SLC38A2: variants seen among roughly 807,000 people sequenced by gnomAD.
SLC38A2 encodes the protein solute carrier family 38 member 2.
A neutral mutation model predicts 61.5 loss-of-function variants in SLC38A2; 11 were observed. The observed-to-expected ratio is 0.18, with a 90% confidence interval of 0.11 to 0.30. SLC38A2 has a LOEUF of 0.30. SLC38A2 is among the 10% of genes least tolerant of loss of function. The pLI is 1.00. For synonymous variants in SLC38A2, 217 were observed against 212.5 expected (o/e 1.02, Z -0.18); for missense variants, 522 against 600.4 (o/e 0.87, Z 1.36).
At chr12:46,368,033 G>A (rs1357248035) in intron 4 of SLC38A2, among the ~76,000 whole-genome samples, 1 of 151,920 alleles carries the variant, frequency 6.6e-6, no homozygotes. Flanking sequence ...AGCTACTCAG[G>A]CTGAGGTGGG....
intron 8 of SLC38A2, 55 bp downstream of exon 8, chr12:46,365,052 C>A: frequency 7.0e-7 from 1 of 1,422,632 alleles, no homozygotes. Context: ...CAGAGAAAGC[C>A]CAACTAACTG....
intron 12 of SLC38A2, 102 bp from the exon 13 acceptor site, chr12:46,363,247 A>G: frequency 8.1e-7 from 1 of 1,239,606 alleles, no homozygotes; most frequent in Non-Finnish European, 1.1e-6. Context: ...CTACTCACAA[A>G]ACGACTATAA....
rs755988202 is a variant in SLC38A2 at position 46,363,944 on chromosome 12, G to T, written c.933C>A (p.Pro311=). ...CTCACTCTTTCAGTTCTTCATAGAT[G>T]GGAAGAACAGCAGGATGACAGACAA... ...FSFVCHPAVL[P]IYEELKDRSR... is the part of the protein sequence containing the mutation. Residue 311 remains proline (P), a synonymous_variant, in exon 11 of 16, where the codon CCC becomes CCA. Coordinates refer to ENST00000256689, the MANE Select transcript of SLC38A2 (RefSeq NM_018976.5). 6.2e-7 allele frequency: 1 copy of T among 1,611,526 alleles called. No individual in the cohort carries two copies. The highest frequency in any genetic ancestry group is 8.5e-7 in the Non-Finnish European group (1 of 1,178,580).
At chr12:46,368,648 A>C (rs1167433822) in intron 4 of SLC38A2, among the ~76,000 whole-genome samples, 1 of 152,256 alleles carries the variant, frequency 6.6e-6, no homozygotes, top group Non-Finnish European at 1.5e-5. Context: ...GGTGCTGACA[A>C]AGAAACTGAT....
intron 4 of SLC38A2, among the ~76,000 whole-genome samples, chr12:46,368,739 C>T (rs867811329): frequency 7.2e-5 from 11 of 152,200 alleles, no homozygotes; most frequent in Admixed American, 3.9e-4. Flanking sequence ...TCTGAAGTGA[C>T]ACTATCAACC....
At position 46,371,185 on chromosome 12, in the gene SLC38A2, G is replaced by A; in HGVS notation, c.109C>T (p.Leu37=). ...NYSYPTKQAA[L]KSHYADVDPE... ...TGTCACAACTTCTCCCACCTTTTCA[G>A]AGCAGCTTGCTTGGTGGGGTAGGAG... Residue 37 remains leucine, a synonymous_variant, in exon 2 of 16, where the codon CTG becomes TTG. Coordinates refer to ENST00000256689, the MANE Select transcript of SLC38A2 (RefSeq NM_018976.5). 6.2e-7 allele frequency: 1 copy of A among 1,614,144 alleles called. No homozygotes were observed. Among genetic ancestry groups the A allele is most frequent in the East Asian group, 2.2e-5 (1 of 44,884 alleles).
intron 4 of SLC38A2, among the ~76,000 whole-genome samples, chr12:46,370,035 G>C (rs1011552869): frequency 2.0e-5 from 3 of 152,058 alleles, no homozygotes; most frequent in Admixed American, 2.0e-4. Flanking sequence ...ACATGTTCCA[G>C]GCTGGGTAAA....
chr12:46,363,771 G>A lies in SLC38A2; in HGVS notation c.1009C>T (p.Leu337Phe), dbSNP rs1373776930. The A allele has an allele frequency of 2.5e-6, 4 of 1,598,070 alleles. No individual in the cohort carries two copies. In the African/African-American group the frequency reaches 4.1e-5, roughly 16 times the overall value. ...VSKISFFAMF[L>F]MYLLAALFGY... is the part of the protein sequence containing the mutation. ...AAGAGGGCGGCAAGCAGATACATGA[G>A]AAACATAGCAAAAAATGAAATCTTG... Residue 337 changes from leucine to phenylalanine, a missense_variant, in exon 12 of 16, where the codon CTC becomes TTC. Physicochemically the swap from Leu to Phe is conservative, Grantham distance 22. Around this residue, in one of 3 missense-constraint regions of SLC38A2, gnomAD observed 309 missense variants for 343.9 expected, o/e 0.90. Transcript: ENST00000256689.
rs1943047070 is a variant in SLC38A2 at position 46,358,585 on chromosome 12, G to C, written c.*2526C>G. 1 of 152,344 alleles carries C rather than the reference G, an allele frequency of 6.6e-6. No homozygotes were observed. Among genetic ancestry groups the C allele is most frequent in the South Asian group, 2.1e-4 (1 of 4,828 alleles). The allele number at this position is 152,344 out of a possible 1,614,324, so 9.4% of individuals were successfully genotyped here. ...TTTTCAATATTCAATTTTCTGTACAGGTACTTTTGGGACAATTCTTATAGT... is the reference window on the plus strand; with the variant it reads ...TTTTCAATATTCAATTTTCTGTACACGTACTTTTGGGACAATTCTTATAGT... On this transcript the variant is annotated 3_prime_UTR_variant, in exon 16 of 16. Transcript: ENST00000256689.
In SLC38A2 at chr12:46,371,335, G is replaced by C; in HGVS notation, c.-42C>G. The C allele has an allele frequency of 6.5e-7, 1 of 1,533,922 alleles. No individual in the cohort carries two copies. Among genetic ancestry groups the C allele is most frequent in the Non-Finnish European group, 9.0e-7 (1 of 1,107,914 alleles). On this transcript the variant is annotated 5_prime_UTR_variant, in exon 2 of 16. Transcript: ENST00000256689. ...AATCGGGTGCAGCTAGTAGCGCTGG[G>C]CTCCTTTTGTCCTTGGCGGTGGGTG...
At position 46,367,350 on chromosome 12, in the gene SLC38A2, G is replaced by GAA. The variant is rs1426109200; in HGVS notation, c.315-12_315-11dup. ...AAATGTCAAGAGAATTCTGGTGAGAGAAGGAAAAGGCATAGGGTTATAAAT... is the reference window on the plus strand; with the variant it reads ...AAATGTCAAGAGAATTCTGGTGAGAGAAAAGGAAAAGGCATAGGGTTATAAAT... On this transcript the variant is annotated splice_polypyrimidine_tract_variant and intron_variant, in intron 4 of 15. Transcript: ENST00000256689. The GAA allele has an allele frequency of 3.5e-6, 5 of 1,409,246 alleles. No homozygotes were observed. The highest frequency in any genetic ancestry group is 1.4e-5 in the African/African-American group (1 of 69,482). The allele number at this position is 1,409,246 out of a possible 1,614,324, so 87.3% of individuals were successfully genotyped here. A position where few individuals can be genotyped will look rare whatever the true frequency, so the allele number is the denominator to read the frequency against.
rs147027809 is a variant in SLC38A2 at position 46,366,720 on chromosome 12, G to A, written c.563+144C>T. On this transcript the variant is annotated intron_variant, in intron 7 of 15. Coordinates refer to ENST00000256689, the MANE Select transcript of SLC38A2 (RefSeq NM_018976.5). ...TTCTCCAAAGTTCGAATCAGTTTAC[G>A]GGGATGGGGGGCCTTCTTGGTCAGT... 20 of 713,300 alleles carry A rather than the reference G, an allele frequency of 2.8e-5. 1 individual carries two copies. The East Asian group carries it at 4.9e-4, about 17-fold the overall frequency. 44.2% of individuals were successfully genotyped at this position (713,300 alleles called of 1,614,324 possible).
At position 46,371,011 on chromosome 12, in the gene SLC38A2, C is replaced by T. The variant is rs529758401; in HGVS notation, c.117-154G>A. On this transcript the variant is annotated intron_variant, in intron 2 of 15. Transcript: ENST00000256689. ...AATATTAACTAGGAGTTGACTTTCA[C>T]ACCAGCTATCTTGTCATTACAACAA... 1.6e-5 allele frequency: 13 copies of T among 822,934 alleles called. No individual in the cohort carries two copies. The South Asian group carries it at 1.8e-4, about 12-fold the overall frequency. The allele number at this position is 822,934 out of a possible 1,614,324, so 51.0% of individuals were successfully genotyped here. A position where few individuals can be genotyped will look rare whatever the true frequency, so the allele number is the denominator to read the frequency against.
At chr12:46,362,440 T>C in intron 14 of SLC38A2, 54 bp downstream of exon 14, 2 of 1,594,886 alleles carry the variant, frequency 1.3e-6, no homozygotes, top group South Asian at 2.3e-5. Flanking sequence ...ATTCATTCTT[T>C]AAATCTTAAA....
intron 13 of SLC38A2, 91 bp from the exon 14 acceptor site, chr12:46,362,729 T>C: frequency 7.5e-7 from 1 of 1,324,606 alleles, no homozygotes; most frequent in Non-Finnish European, 1.0e-6. Context: ...AATGCCCAAG[T>C]AACAAGGAAT....
chr12:46,370,289 T>C (rs1447039198), intron 4 of SLC38A2, among the ~76,000 whole-genome samples: 3 of 152,264 alleles, frequency 2.0e-5, no homozygotes, highest in East Asian at 1.9e-4. Flanking sequence ...CTGGCTTAAT[T>C]TGTCAGTTTT....
Position 46,363,115 on chromosome 12 carries a change from T to G in SLC38A2, c.1085A>C (p.Tyr362Ser). The change falls in exon 13 of 16, where the codon TAC becomes TCC. Residue 362 changes from tyrosine (Y) to serine (S), a missense_variant. Tyr to Ser is a moderately radical substitution (Grantham distance 144). Coordinates refer to ENST00000256689, the MANE Select transcript of SLC38A2 (RefSeq NM_018976.5). The part of the protein sequence containing the change: ...EHVESELLHT[Y>S]SSILGTDILL... ...AATATCAGTTCCCAAGATAGAAGAG[T>G]AGGTATGAAGCAATTCTGACTCAAC... 1 of 1,612,248 alleles carries G rather than the reference T, an allele frequency of 6.2e-7. No individual in the cohort carries two copies. Among genetic ancestry groups the G allele is most frequent in the Non-Finnish European group, 8.5e-7 (1 of 1,178,942 alleles).
chr12:46,369,906 T>C (rs1283484931), intron 4 of SLC38A2, among the ~76,000 whole-genome samples: 1 of 152,146 alleles, frequency 6.6e-6, no homozygotes, highest in Non-Finnish European at 1.5e-5. Context: ...TACTAAAGTA[T>C]TCATTTTTTG....
At chr12:46,371,820 T>C (rs976632642) in intron 1 of SLC38A2, among the ~76,000 whole-genome samples, 1 of 152,256 alleles carries the variant, frequency 6.6e-6, no homozygotes, top group Middle Eastern at 3.4e-3. Context: ...GCGTAATCTG[T>C]CCTTTACTGC....
Sources: allele counts gnomAD v4.1 joint callset (sites outside exome capture counted in the v4.1 genomes callset), GRCh38; gene constraint gnomAD v4.1.1; regional missense constraint gnomAD v4.1.1; transcripts MANE v1.5; gene names NCBI Gene and HGNC (gene_info 2026-07-23, HGNC 2026-07-21).